The following JHY variants were observed in gnomAD, a reference collection of about 807,000 sequenced individuals.
The protein encoded by JHY is junctional cadherin complex regulator.
Under a neutral mutation model 78.0 loss-of-function variants are expected in JHY, and 69 were observed. That is an observed-to-expected ratio of 0.88 (90% confidence interval 0.73 to 1.08). The LOEUF (loss-of-function observed/expected upper bound fraction) is 1.08. Among genes scored for constraint, JHY ranks in the 50% least tolerant of loss-of-function variants. JHY has a pLI of 0.00. For missense variants in JHY, 944 were observed against 927.8 expected (o/e 1.02, Z -0.23); for synonymous variants, 368 against 342.6 (o/e 1.07, Z -0.82).
At chr11:122,940,579 G>A (rs1013520624) in intron 5 of JHY, among the ~76,000 whole-genome samples, 5 of 152,086 alleles carry the variant, frequency 3.3e-5, no homozygotes, top group African/African-American at 7.2e-5. Flanking sequence ...TTAAGGTAGC[G>A]ACTACCAGAT....
At chr11:122,910,300 C>T (rs1225569668) in intron 3 of JHY, among the ~76,000 whole-genome samples, 1 of 151,968 alleles carries the variant, frequency 6.6e-6, no homozygotes, top group Admixed American at 6.6e-5. Flanking sequence ...CATGTGAAAC[C>T]CTGTCTCTAC....
At chr11:122,939,213 C>T (rs1208014700) in intron 5 of JHY, among the ~76,000 whole-genome samples, 1 of 152,124 alleles carries the variant, frequency 6.6e-6, no homozygotes, top group Non-Finnish European at 1.5e-5. Flanking sequence ...GTCTCGATCT[C>T]CTGACCCCGT....
chr11:122,929,388 C>T (rs759597428), intron 4 of JHY, among the ~76,000 whole-genome samples: 4 of 152,150 alleles, frequency 2.6e-5, no homozygotes, highest in East Asian at 1.9e-4. Flanking sequence ...CCTAAGAAGA[C>T]GGAGAAATAA....
intron 6 of JHY, among the ~76,000 whole-genome samples, chr11:122,955,570 C>T (rs1864173119): frequency 6.6e-6 from 1 of 152,124 alleles, no homozygotes; most frequent in African/African-American, 2.4e-5. Flanking sequence ...CACTTTCTTG[C>T]TTTCTGTCCT....
In JHY at chr11:122,934,540, C is replaced by G; in HGVS notation, c.1099C>G (p.Arg367Gly). ...CAGAAGACCAGCCAAGCTCAAGATT[C>G]GAAAGCAGTGTAAACACCAGAATGG... ...PSRRPAKLKI[R>G]KQCKHQNGLK... The change falls in exon 5 of 9, where the codon CGA becomes GGA. Residue 367 changes from arginine to glycine, a missense_variant. Transcript: ENST00000227349. 3 of 1,614,006 alleles carry G rather than the reference C, an allele frequency of 1.9e-6. No homozygotes were observed. Among genetic ancestry groups the G allele is most frequent in the Non-Finnish European group, 2.5e-6 (3 of 1,180,014 alleles).
chr11:122,934,296 ACAGTGAGACTCCGTCT>A (rs1027112139), intron 4 of JHY, 108 bp from the exon 5 acceptor site: 1 of 441,240 alleles, frequency 2.3e-6, no homozygotes, highest in Non-Finnish European at 3.2e-6. Flanking sequence ...AGCCTGGGAG[ACAGTGAGACTCCGTCT>A]CAAATAAATA....
chr11:122,954,471 G>C, intron 6 of JHY, among the ~76,000 whole-genome samples: 1 of 152,336 alleles, frequency 6.6e-6, no homozygotes, highest in East Asian at 1.9e-4. Context: ...TTGATACAGT[G>C]TGTTTACACA....
chr11:122,941,505 A>T (rs1373916479), intron 5 of JHY, among the ~76,000 whole-genome samples: 3 of 152,196 alleles, frequency 2.0e-5, no homozygotes, highest in East Asian at 1.9e-4. Context: ...CCACTACCAA[A>T]CAGTCAGTCT....
intron 2 of JHY, among the ~76,000 whole-genome samples, chr11:122,892,805 G>A (rs897457330): frequency 2.0e-5 from 3 of 152,138 alleles, no homozygotes; most frequent in Non-Finnish European, 4.4e-5. Context: ...CCAAAACTCA[G>A]GATTTTCATT....
intron 3 of JHY, among the ~76,000 whole-genome samples, chr11:122,913,929 T>C (rs2135323625): frequency 6.6e-6 from 1 of 152,260 alleles, no homozygotes; most frequent in African/African-American, 2.4e-5. Context: ...GTTTTCAAAA[T>C]GAAAAAATAA....
intron 2 of JHY, among the ~76,000 whole-genome samples, chr11:122,894,576 C>A (rs560659255): frequency 7.9e-5 from 12 of 152,284 alleles, no homozygotes; most frequent in African/African-American, 2.6e-4. Context: ...GAAGATGCAG[C>A]CTTGGTTTCA....
intron 3 of JHY, among the ~76,000 whole-genome samples, chr11:122,920,002 C>T (rs1432391932): frequency 1.3e-5 from 2 of 152,180 alleles, no homozygotes; most frequent in East Asian, 1.9e-4. Flanking sequence ...ATAATTGAAA[C>T]AGCTGTGCTA....
intron 2 of JHY, among the ~76,000 whole-genome samples, chr11:122,893,529 G>T (rs1286541549): frequency 2.0e-5 from 3 of 152,082 alleles, no homozygotes. Flanking sequence ...TACATAGTGA[G>T]TTCAAAACCT....
intron 2 of JHY, among the ~76,000 whole-genome samples, chr11:122,891,860 A>G (rs962139846): frequency 6.6e-6 from 1 of 152,224 alleles, no homozygotes; most frequent in Non-Finnish European, 1.5e-5. Flanking sequence ...ACTAATTACA[A>G]GTATTCAGAT....
At chr11:122,913,057 G>C (rs946254039) in intron 3 of JHY, among the ~76,000 whole-genome samples, 1 of 152,128 alleles carries the variant, frequency 6.6e-6, no homozygotes, top group Non-Finnish European at 1.5e-5. Context: ...ACTTCAGACA[G>C]AGTAAGAACA....
intron 8 of JHY, 65 bp downstream of exon 8, chr11:122,957,556 CTTTT>C (rs374289526): frequency 9.0e-3 from 8,720 of 972,552 alleles, no homozygotes; most frequent in Middle Eastern, 0.012. Context: ...TTTATTATCG[CTTTT>C]TTTTTTTTTT....
chr11:122,903,837 G>T lies in JHY; in HGVS notation c.345-88G>T, dbSNP rs1284710310. ...AGGAAAACTATAGGAGAAAGACTGA[G>T]ATTGATTTCAAATAAAATGTTCAAC... On this transcript the variant is annotated intron_variant, in intron 2 of 8. Coordinates refer to ENST00000227349, the MANE Select transcript of JHY (RefSeq NM_024806.4). 5 of 1,466,220 alleles carry T rather than the reference G, an allele frequency of 3.4e-6. No homozygotes were observed. The African/African-American group carries it at 7.1e-5, about 21-fold the overall frequency. 90.8% of individuals were successfully genotyped at this position (1,466,220 alleles called of 1,614,324 possible). A position where few individuals can be genotyped will look rare whatever the true frequency, so the allele number is the denominator to read the frequency against.
In JHY at chr11:122,959,472, A is replaced by C; in HGVS notation, c.*27A>C. 1 of 1,606,436 alleles carries C rather than the reference A, an allele frequency of 6.2e-7. No individual in the cohort carries two copies. The highest frequency in any genetic ancestry group is 8.5e-7 in the Non-Finnish European group (1 of 1,173,942). ...CAACATTTGATAGGAAGGAGACCAA[A>C]AATGGTCCAGGAATGAACGTGGAGA... On this transcript the variant is annotated 3_prime_UTR_variant, in exon 9 of 9. Coordinates refer to ENST00000227349, the MANE Select transcript of JHY (RefSeq NM_024806.4).
At chr11:122,934,119 A>C (rs183093232) in intron 4 of JHY, among the ~76,000 whole-genome samples, 222 of 152,192 alleles carry the variant, frequency 1.5e-3, no homozygotes, top group Non-Finnish European at 2.3e-3. Context: ...TAGGAAAAAA[A>C]TCGTCTACTT....
Sources: gnomAD v4.1 joint callset for allele counts (sites outside exome capture counted in the v4.1 genomes callset) on GRCh38, gnomAD v4.1.1 for gene constraint, MANE v1.5 for transcripts, NCBI Gene and HGNC (gene_info 2026-07-23, HGNC 2026-07-21) for gene names.